MICAL3: variants seen among roughly 807,000 people sequenced by gnomAD.
MICAL3 encodes microtubule associated monooxygenase, calponin and LIM domain containing 3, also known as [F-actin]-monooxygenase MICAL3.
In MICAL3, 62 loss-of-function variants were observed where a neutral mutation model predicts 207.4. The observed-to-expected ratio is 0.30, with a 90% CI of 0.24 to 0.37. MICAL3 has a LOEUF of 0.37. MICAL3 is among the 10% of genes least tolerant of loss of function. MICAL3 has a pLI of 1.00. For synonymous variants in MICAL3, 1,077 were observed against 1,069.3 expected, an observed-to-expected ratio of 1.01 and a Z score of -0.14; for missense variants, 2,368 against 2,635.6, an observed-to-expected ratio of 0.90 and a Z score of 2.22.
intron 22 of MICAL3, among the ~76,000 whole-genome samples, chr22:17,825,203 G>T (rs1246330005): frequency 6.6e-6 from 1 of 152,176 alleles, no homozygotes; most frequent in Non-Finnish European, 1.5e-5. Flanking sequence ...GTAGAGTCAG[G>T]CGGGTGAGAA....
Position 17,834,548 on chromosome 22 carries a change from C to G in MICAL3, c.2802-2441G>C. On this transcript the variant is annotated intron_variant, in intron 20 of 31. Transcript: ENST00000441493. Reference sequence around the variant, plus strand: ...CTGGGCAACCATGGGGAGACCCAGTCTCTACAAAAAATAAAGATAAAAATA... The same window carrying G: ...CTGGGCAACCATGGGGAGACCCAGTGTCTACAAAAAATAAAGATAAAAATA... 3.4e-6 allele frequency: 4 copies of G among 1,164,706 alleles called. No individual in the cohort carries two copies. In the South Asian group the frequency reaches 6.2e-5, roughly 18 times the overall value. The allele number at this position is 1,164,706 out of a possible 1,614,324, so 72.1% of individuals were successfully genotyped here. A position where few individuals can be genotyped will look rare whatever the true frequency, so the allele number is the denominator to read the frequency against.
At chr22:17,968,904 T>C (rs926070951) in intron 1 of MICAL3, among the ~76,000 whole-genome samples, 1 of 152,196 alleles carries the variant, frequency 6.6e-6, no homozygotes, top group Non-Finnish European at 1.5e-5. Flanking sequence ...AAATAAATGG[T>C]CTCATGGGTA....
intron 1 of MICAL3, among the ~76,000 whole-genome samples, chr22:17,963,220 C>A (rs1286503805): frequency 6.6e-6 from 1 of 152,076 alleles, no homozygotes; most frequent in Non-Finnish European, 1.5e-5. Context: ...TCAAGTGGTC[C>A]TCCCACCTCA....
At chr22:17,986,026 C>T (rs1222880373) in intron 1 of MICAL3, among the ~76,000 whole-genome samples, 1 of 152,184 alleles carries the variant, frequency 6.6e-6, no homozygotes, top group African/African-American at 2.4e-5. Flanking sequence ...TCTACCTCAG[C>T]CTCCCAGGTA....
intron 19 of MICAL3, among the ~76,000 whole-genome samples, chr22:17,848,952 G>A (rs1482051811): frequency 6.6e-6 from 1 of 152,232 alleles, no homozygotes; most frequent in East Asian, 1.9e-4. Flanking sequence ...AGAGCCATGT[G>A]TGGAAAGGAA....
At position 17,818,318 on chromosome 22, in the gene MICAL3, G is replaced by C. The variant is rs201688866; in HGVS notation, c.4343C>G (p.Ser1448Trp). 2 of 1,574,856 alleles carry C rather than the reference G, an allele frequency of 1.3e-6. No homozygotes were observed. The highest frequency in any genetic ancestry group is 4.5e-5 in the East Asian group (2 of 44,404). ...GGGGGGCGTGAGCATGGCGGAGTCCGAGGTGTTGAAGCTCTGGCTGCCCAG... is the reference window on the plus strand; with the variant it reads ...GGGGGGCGTGAGCATGGCGGAGTCCCAGGTGTTGAAGCTCTGGCTGCCCAG... ...KTLGSQSFNT[S>W]DSAMLTPPSS... The change falls in exon 26 of 32, where the codon TCG becomes TGG. Residue 1448 changes from serine to tryptophan, a missense_variant. This residue lies in a region of MICAL3 where 1,770 missense variants were observed against 1,863.2 expected (regional missense o/e 0.95). Transcript: ENST00000441493.
chr22:17,791,528 CGCCAGCAGGGACCTT>C, intron 29 of MICAL3: 1 of 571,268 alleles, frequency 1.8e-6, no homozygotes, highest in Admixed American at 3.0e-5. Flanking sequence ...TCAGCGACCT[CGCCAGCAGGGACCTT>C]GCCCTCCCCG....
Position 17,965,183 on chromosome 22 carries a change from C to CAA in MICAL3, c.-74-58299_-74-58298dup, listed in dbSNP as rs370246938. 6.6e-3 allele frequency among the ~76,000 whole-genome samples: 694 copies of CAA among 105,358 alleles called. 7 individuals carry two copies. Among genetic ancestry groups the CAA allele is most frequent in the East Asian group, 0.014 (49 of 3,580 alleles). 69.1% of individuals were successfully genotyped at this position (105,358 alleles called of 152,430 possible). Reference sequence around the variant, plus strand: ...GGGCAACACAGTGAGACCCCGTCTCCAAAAAAAAAAAAAAAAAAAAGGAAG... The same window carrying CAA: ...GGGCAACACAGTGAGACCCCGTCTCCAAAAAAAAAAAAAAAAAAAAAAGGAAG... On this transcript the variant is annotated intron_variant, in intron 1 of 31. Coordinates refer to ENST00000441493, the MANE Select transcript of MICAL3 (RefSeq NM_015241.3).
chr22:17,808,166 T>C (rs188769858), intron 29 of MICAL3, among the ~76,000 whole-genome samples: 3 of 152,340 alleles, frequency 2.0e-5, no homozygotes, highest in East Asian at 3.9e-4. Context: ...CTGGATGGAA[T>C]GGCAGGAATG....
intron 19 of MICAL3, among the ~76,000 whole-genome samples, chr22:17,849,644 ATGTGTGTGTGTGTGTG>A (rs149239378): frequency 7.7e-4 from 61 of 79,464 alleles, no homozygotes; most frequent in East Asian, 1.8e-3. Context: ...CCAGAATGGA[ATGTGTGTGTGTGTGTG>A]TGTGTGTGTG....
chr22:17,875,892 C>T lies in MICAL3; in HGVS notation c.2242-3869G>A, dbSNP rs140537037. 5.3e-5 allele frequency among the ~76,000 whole-genome samples: 8 copies of T among 152,270 alleles called. No individual in the cohort carries two copies. In the East Asian group the frequency reaches 1.4e-3, roughly 26 times the overall value. ...AGGGCAGGGGGATGGCTTGTCGACTCACATGCTCTGTGCTCTGCCAAGCAA... is the reference window on the plus strand; with the variant it reads ...AGGGCAGGGGGATGGCTTGTCGACTTACATGCTCTGTGCTCTGCCAAGCAA... On this transcript the variant is annotated intron_variant, in intron 16 of 31. Transcript: ENST00000441493.
intron 19 of MICAL3, among the ~76,000 whole-genome samples, chr22:17,847,840 G>A (rs539089730): frequency 5.3e-5 from 8 of 152,212 alleles, no homozygotes; most frequent in African/African-American, 9.6e-5. Context: ...TCTTATTTAC[G>A]TTTTTGTAGG....
At position 17,994,260 on chromosome 22, in the gene MICAL3, G is replaced by A. The variant is rs557794173; in HGVS notation, c.-75+30021C>T. The stretch of plus-strand genomic sequence containing the variant: ...AACCTCTGTAAGCTGACTTTCTGTG[G>A]GCTGGGGACAGTCCACGCTAAAGGG... On this transcript the variant is annotated intron_variant, in intron 1 of 31. Transcript: ENST00000441493. Among the ~76,000 whole-genome samples, 139 of 152,282 alleles carry A rather than the reference G, an allele frequency of 9.1e-4. 1 individual carries two copies. The highest frequency in any genetic ancestry group is 4.8e-3 in the Admixed American group (74 of 15,302).
chr22:17,842,050 G>A, intron 19 of MICAL3, 33 bp from the exon 20 acceptor site: 1 of 1,577,806 alleles, frequency 6.3e-7, no homozygotes, highest in Non-Finnish European at 8.6e-7. Context: ...CTGCACTGAG[G>A]TCCAACCACA....
At position 17,904,723 on chromosome 22, in the gene MICAL3, C is replaced by T; in HGVS notation, c.381G>A (p.Leu127=). The T allele has an allele frequency of 2.5e-6, 4 of 1,614,002 alleles. No individual in the cohort carries two copies. The highest frequency in any genetic ancestry group is 3.4e-6 in the Non-Finnish European group (4 of 1,179,888). The change falls in exon 3 of 32, where the codon TTG becomes TTA. Residue 127 remains leucine (L), a synonymous_variant. Transcript: ENST00000441493. Reference sequence around the variant, plus strand: ...CATGTATGGTGAATGGCCAGAGATGCAAGACGTTGTTGCGGGAGAAGGCAT... The same window carrying T: ...CATGTATGGTGAATGGCCAGAGATGTAAGACGTTGTTGCGGGAGAAGGCAT... ...KRDAFSRNNV[L]HLWPFTIHDL...
chr22:17,861,833 A>C (rs73151036), intron 19 of MICAL3: 1,279 of 985,478 alleles, frequency 1.3e-3, no homozygotes, highest in Non-Finnish European at 1.5e-3. Flanking sequence ...TAAATTAGGC[A>C]GCAGGTACAG....
chr22:17,875,688 A>T, intron 16 of MICAL3: 1 of 451,188 alleles, frequency 2.2e-6, no homozygotes. Flanking sequence ...ATAGTAAAAA[A>T]AAAAAAAAAA....
intron 17 of MICAL3, among the ~76,000 whole-genome samples, chr22:17,867,971 TG>T (rs1302914283): frequency 6.6e-6 from 1 of 152,252 alleles, no homozygotes. Context: ...GAATCCTCCT[TG>T]AACTCTGCTT....
At chr22:17,920,601 C>G (rs1414682009) in intron 1 of MICAL3, among the ~76,000 whole-genome samples, 1 of 152,212 alleles carries the variant, frequency 6.6e-6, no homozygotes, top group African/African-American at 2.4e-5. Flanking sequence ...AGCTGCAATT[C>G]TTTCATCTGC....
Sources: allele counts gnomAD v4.1 joint callset (sites outside exome capture counted in the v4.1 genomes callset), GRCh38; gene constraint gnomAD v4.1.1; regional missense constraint gnomAD v4.1.1; transcripts MANE v1.5; gene names NCBI Gene and HGNC (gene_info 2026-07-23, HGNC 2026-07-21).